The following ATP9B variants were observed in gnomAD, a reference collection of about 807,000 sequenced individuals.
The protein encoded by ATP9B is ATPase phospholipid transporting 9B, also known as probable phospholipid-transporting ATPase IIB.
A neutral mutation model predicts 146.1 loss-of-function variants in ATP9B; 110 were observed. The ratio of observed to expected loss-of-function variants is 0.75; its 90% CI spans 0.65 to 0.88. The LOEUF (loss-of-function observed/expected upper bound fraction) is 0.88. Ranked by LOEUF, ATP9B falls within the 40% of genes least tolerant of loss-of-function variation. The probability of loss-of-function intolerance (pLI) is 0.00; values close to 1 mark genes in which losing one functional copy is unlikely to be tolerated. For missense variants in ATP9B, 1,499 were observed against 1,496.4 expected (o/e 1.00, Z -0.03); for synonymous variants, 604 against 569.7 (o/e 1.06, Z -0.86).
intron 9 of ATP9B, among the ~76,000 whole-genome samples, chr18:79,198,601 G>GTGT (rs2095438178): frequency 1.3e-5 from 2 of 152,162 alleles, no homozygotes; most frequent in African/African-American, 4.8e-5. Context: ...GTTATATGGT[G>GTGT]TAGCCTGTTG....
chr18:79,193,526 GAAGTA>G (rs2095389244), intron 9 of ATP9B, among the ~76,000 whole-genome samples: 1 of 152,140 alleles, frequency 6.6e-6, no homozygotes, highest in Non-Finnish European at 1.5e-5. Context: ...TCAGTTAAAT[GAAGTA>G]ATTTATTTTC....
At chr18:79,304,666 C>G (rs1172631768) in intron 14 of ATP9B, among the ~76,000 whole-genome samples, 1 of 152,214 alleles carries the variant, frequency 6.6e-6, no homozygotes, top group East Asian at 1.9e-4. Flanking sequence ...GTCATCCTAA[C>G]AGCCTCATTC....
At chr18:79,229,713 C>G (rs1194192013) in intron 11 of ATP9B, among the ~76,000 whole-genome samples, 1 of 152,212 alleles carries the variant, frequency 6.6e-6, no homozygotes, top group Non-Finnish European at 1.5e-5. Flanking sequence ...TCCTTGCATT[C>G]TTTAATCAGT....
chr18:79,311,437 G>A (rs1290449551), intron 15 of ATP9B, among the ~76,000 whole-genome samples: 1 of 152,130 alleles, frequency 6.6e-6, no homozygotes, highest in Non-Finnish European at 1.5e-5. Context: ...CCCTGATACG[G>A]TGACCTCAGG....
chr18:79,203,277 C>T (rs1350991417), intron 9 of ATP9B, among the ~76,000 whole-genome samples: 1 of 151,736 alleles, frequency 6.6e-6, no homozygotes, highest in East Asian at 1.9e-4. Context: ...AGAGTAACAG[C>T]AGGCAGGAGG....
intron 25 of ATP9B, chr18:79,354,171 T>C (rs1449973968): frequency 6.6e-6 from 1 of 152,180 alleles, no homozygotes; most frequent in Non-Finnish European, 1.5e-5. Context: ...GGCTAAAATA[T>C]AACGTGGTGT....
At chr18:79,288,232 T>C (rs1282988584) in intron 13 of ATP9B, among the ~76,000 whole-genome samples, 1 of 149,520 alleles carries the variant, frequency 6.7e-6, no homozygotes, top group African/African-American at 2.5e-5. Flanking sequence ...AAGTCTCCCA[T>C]TATTATTGTG....
At chr18:79,103,632 A>G (rs1616169) in intron 2 of ATP9B, among the ~76,000 whole-genome samples, 58,790 of 151,994 alleles carry the variant, frequency 0.39, 11,806 homozygotes, top group East Asian at 0.52. Context: ...CAGGTCAATT[A>G]AGTAAGGATA....
chr18:79,342,384 T>G lies in ATP9B; in HGVS notation c.2382+18T>G. The G allele has an allele frequency of 6.4e-7, 1 of 1,551,216 alleles. No individual in the cohort carries two copies. The highest frequency in any genetic ancestry group is 8.9e-7 in the Non-Finnish European group (1 of 1,127,202). On this transcript the variant is annotated intron_variant, in intron 20 of 29. Transcript: ENST00000426216. ...TCAGACAGGTAAGTATGTATCTTAA[T>G]CACTTTGAATTTTTAAACATTTGTC...
chr18:79,340,434 C>G (rs532957770), intron 19 of ATP9B: 1 of 152,296 alleles, frequency 6.6e-6, no homozygotes, highest in East Asian at 1.9e-4. Flanking sequence ...ATGTGTCATA[C>G]TCTTAGGTCC....
In ATP9B at chr18:79,274,756, G is replaced by T. The variant is rs145754993; in HGVS notation, c.1269-2298G>T. 3.5e-3 allele frequency among the ~76,000 whole-genome samples: 527 copies of T among 152,264 alleles called. 18 individuals are homozygous for T. The highest frequency in any genetic ancestry group is 0.029 in the Admixed American group (447 of 15,296). On this transcript the variant is annotated intron_variant, in intron 12 of 29. Coordinates refer to ENST00000426216, the MANE Select transcript of ATP9B (RefSeq NM_198531.5). ...TACTTATTTTTTTCATCCTGAAGAT[G>T]ATCTCTCACCTTTTCATGAGTAGCT...
intron 5 of ATP9B, among the ~76,000 whole-genome samples, chr18:79,128,478 C>G (rs901736004): frequency 3.9e-5 from 6 of 152,056 alleles, no homozygotes; most frequent in African/African-American, 1.4e-4. Flanking sequence ...AATGTTTTTT[C>G]TCCATGGAGT....
intron 8 of ATP9B, among the ~76,000 whole-genome samples, chr18:79,183,429 TTTG>T (rs1271978073): frequency 4.0e-5 from 6 of 150,228 alleles, no homozygotes; most frequent in African/African-American, 1.5e-4. Context: ...TAAATTTACA[TTTG>T]TTTAGTTTTT....
chr18:79,224,229 G>C lies in ATP9B; in HGVS notation c.1107+10191G>C, dbSNP rs150767812. Among the ~76,000 whole-genome samples the C allele has an allele frequency of 8.4e-3, 1,275 of 152,256 alleles. 8 individuals carry two copies. Among genetic ancestry groups the C allele is most frequent in the Middle Eastern group, 0.024 (7 of 294 alleles). On this transcript the variant is annotated intron_variant, in intron 11 of 29. Coordinates refer to ENST00000426216, the MANE Select transcript of ATP9B (RefSeq NM_198531.5). The stretch of plus-strand genomic sequence containing the variant: ...TTGAACTCCTTGATTCCTTACCCCT[G>C]TGCCATAAAAGCTGTTAGAAATGTA...
At chr18:79,253,270 A>G in intron 11 of ATP9B, 111 bp from the exon 12 acceptor site, 1 of 953,600 alleles carries the variant, frequency 1.0e-6, no homozygotes, top group African/African-American at 1.7e-5. Context: ...AAAGGCTAAT[A>G]CCAATAAATT....
At chr18:79,151,359 T>A (rs72992360) in intron 6 of ATP9B, among the ~76,000 whole-genome samples, 1 of 152,174 alleles carries the variant, frequency 6.6e-6, no homozygotes, top group Non-Finnish European at 1.5e-5. Context: ...CCATGTTCTT[T>A]ATGAGATACA....
chr18:79,167,936 G>A (rs2095002434), intron 7 of ATP9B, among the ~76,000 whole-genome samples: 6 of 152,168 alleles, frequency 3.9e-5, no homozygotes, highest in Admixed American at 3.3e-4. Context: ...CCTGCCCCGA[G>A]CCACCCTCCC....
chr18:79,186,053 G>A (rs1026770941), intron 8 of ATP9B, among the ~76,000 whole-genome samples: 9 of 152,140 alleles, frequency 5.9e-5, no homozygotes, highest in Non-Finnish European at 1.2e-4. Flanking sequence ...GTTTTCAGGC[G>A]TTGTAGACAT....
chr18:79,305,344 C>T (rs2146512691), intron 14 of ATP9B, among the ~76,000 whole-genome samples: 1 of 152,262 alleles, frequency 6.6e-6, no homozygotes, highest in African/African-American at 2.4e-5. Context: ...GCTTTACTGT[C>T]GGCATGCTGT....
Sources: gnomAD v4.1 joint callset for allele counts (sites outside exome capture counted in the v4.1 genomes callset) on GRCh38, gnomAD v4.1.1 for gene constraint, MANE v1.5 for transcripts, NCBI Gene and HGNC (gene_info 2026-07-23, HGNC 2026-07-21) for gene names.